Variants in C14orf39 observed in about 807,000 individuals in gnomAD.
C14orf39 encodes chromosome 14 open reading frame 39, also known as protein SIX6OS1.
Under a neutral mutation model 85.6 loss-of-function variants are expected in C14orf39, and 66 were observed. That is an observed-to-expected ratio of 0.77 (90% CI 0.63 to 0.95). The LOEUF (loss-of-function observed/expected upper bound fraction) is 0.95, where lower values mean the gene tolerates loss of function less well. C14orf39 is among the 40% of genes least tolerant of loss of function. The pLI, the probability that C14orf39 is intolerant of heterozygous loss-of-function variation, is 0.00. For missense variants in C14orf39, 735 were observed against 663.9 expected, an observed-to-expected ratio of 1.11 and a Z score of -1.18; for synonymous variants, 242 against 214.0, an observed-to-expected ratio of 1.13 and a Z score of -1.14.
chr14:60,490,578 C>T (rs1476250853), upstream of C14orf39, among the ~76,000 whole-genome samples: 8 of 152,022 alleles, frequency 5.3e-5, no homozygotes, highest in African/African-American at 1.9e-4. Flanking sequence ...GAGCTATGAT[C>T]GCACCACTGC....
At chr14:60,456,437 T>TC (rs1485217164) in intron 15 of C14orf39, among the ~76,000 whole-genome samples, 2 of 151,522 alleles carry the variant, frequency 1.3e-5, no homozygotes, top group Non-Finnish European at 2.9e-5. Context: ...TTTTTTTTTT[T>TC]TTTTAATAGA....
intron 1 of C14orf39, chr14:60,511,402 C>A (rs1893292885): frequency 3.1e-6 from 3 of 955,442 alleles, no homozygotes; most frequent in Non-Finnish European, 4.9e-6. Flanking sequence ...CGTTTCCCGC[C>A]CCACCCCGCG....
chr14:60,473,118 C>G (rs1892184478), intron 5 of C14orf39, among the ~76,000 whole-genome samples: 1 of 152,172 alleles, frequency 6.6e-6, no homozygotes, highest in South Asian at 2.1e-4. Context: ...GAGATGGTAT[C>G]TCATTGTAAT....
At chr14:60,497,388 A>AGTTCTCCAT (rs2140179323) in intron 2 of C14orf39, among the ~76,000 whole-genome samples, 1 of 151,498 alleles carries the variant, frequency 6.6e-6, no homozygotes, top group Non-Finnish European at 1.5e-5. Flanking sequence ...GTACAGGCCC[A>AGTTCTCCAT]ATGCACACAC....
chr14:60,447,360 CA>C (rs1427528969), intron 16 of C14orf39, among the ~76,000 whole-genome samples: 3 of 152,170 alleles, frequency 2.0e-5, no homozygotes, highest in Admixed American at 6.5e-5. Flanking sequence ...TCTCAGGATA[CA>C]AAATCAATGT....
At chr14:60,471,207 C>T (rs1043582093) in intron 7 of C14orf39, among the ~76,000 whole-genome samples, 3 of 151,854 alleles carry the variant, frequency 2.0e-5, no homozygotes, top group Non-Finnish European at 2.9e-5. Flanking sequence ...AATACATATG[C>T]CATTTTATTC....
At chr14:60,437,943 T>C (rs936673972) in intron 17 of C14orf39, among the ~76,000 whole-genome samples, 2 of 151,546 alleles carry the variant, frequency 1.3e-5, no homozygotes, top group Admixed American at 6.6e-5. Context: ...ATATTACTTA[T>C]TAATAAAATT....
At chr14:60,463,647 G>GACAT (rs912595053) in intron 11 of C14orf39, among the ~76,000 whole-genome samples, 1 of 152,034 alleles carries the variant, frequency 6.6e-6, no homozygotes, top group Non-Finnish European at 1.5e-5. Context: ...TTGACATATG[G>GACAT]ACATACAGAT....
intron 16 of C14orf39, among the ~76,000 whole-genome samples, chr14:60,442,600 T>C (rs969467022): frequency 2.6e-5 from 4 of 152,186 alleles, no homozygotes; most frequent in South Asian, 2.1e-4. Context: ...TCACATTGCA[T>C]TGTGAGCATT....
At chr14:60,506,589 T>C (rs575712070) in intron 1 of C14orf39, among the ~76,000 whole-genome samples, 2 of 152,340 alleles carry the variant, frequency 1.3e-5, no homozygotes, top group African/African-American at 4.8e-5. Context: ...CAAGGTGCCC[T>C]GGCGCAGTCT....
intron 5 of C14orf39, among the ~76,000 whole-genome samples, chr14:60,472,501 T>G (rs1302308618): frequency 2.0e-5 from 3 of 152,128 alleles, no homozygotes; most frequent in Non-Finnish European, 4.4e-5. Flanking sequence ...GCTGCACCCA[T>G]TAACTCGTCA....
Position 60,437,043 on chromosome 14 carries a change from G to C in C14orf39, c.1566C>G (p.Asn522Lys). 2 of 1,594,504 alleles carry C rather than the reference G, an allele frequency of 1.3e-6. No individual in the cohort carries two copies. ...CTTCTCCTTCTGGCTTCTCAAGTAAGTTTCCTAAGGAAGATAAACATTACA... is the reference window on the plus strand; with the variant it reads ...CTTCTCCTTCTGGCTTCTCAAGTAACTTTCCTAAGGAAGATAAACATTACA... The part of the protein sequence containing the change: ...NPLSSEQEIG[N>K]LLEKPEGEDG... Residue 522 changes from asparagine to lysine, a missense_variant, in exon 18 of 18, where the codon AAC becomes AAG. Asn to Lys is a moderately conservative substitution (Grantham distance 94). Transcript: ENST00000321731.
intron 2 of C14orf39, among the ~76,000 whole-genome samples, chr14:60,498,128 A>G (rs933165544): frequency 2.6e-5 from 4 of 152,074 alleles, no homozygotes; most frequent in Non-Finnish European, 5.9e-5. Context: ...ATTTATTGTA[A>G]TGAAGCATGT....
At position 60,491,460 on chromosome 14, in the gene C14orf39, A is replaced by AAT. The variant is rs1892987261; in HGVS notation, c.-8-6375_-8-6374insAT. Among the ~76,000 whole-genome samples the AAT allele has an allele frequency of 6.6e-6, 1 of 152,234 alleles. No individual in the cohort carries two copies. The highest frequency in any genetic ancestry group is 1.5e-5 in the Non-Finnish European group (1 of 68,046). On this transcript the variant is annotated intron_variant, in intron 2 of 5. Coordinates refer to the C14orf39 transcript ENST00000556799. This position sits in a 1 kb window ranked among gnomAD's most constrained non-coding sequence, Gnocchi z 4.5. ...GGAGGGACACAAACATTCAAACCAC[A>AAT]GCACAAGCTCAAACACAGCTCATGT...
intron 4 of C14orf39, 70 bp downstream of exon 4, chr14:60,483,621 A>T (rs1892741852): frequency 7.5e-7 from 1 of 1,340,582 alleles, no homozygotes; most frequent in Admixed American, 2.2e-5. Context: ...TGAAGGAAGT[A>T]TCTTCAACTG....
chr14:60,450,283 G>GGGGA (rs1396304753), intron 16 of C14orf39, among the ~76,000 whole-genome samples: 13 of 152,170 alleles, frequency 8.5e-5, no homozygotes, highest in Admixed American at 3.9e-4. Context: ...CTGGGCCAGA[G>GGGGA]GGGAGCCCAC....
At chr14:60,480,954 A>C (rs2140153766) in intron 4 of C14orf39, among the ~76,000 whole-genome samples, 1 of 152,298 alleles carries the variant, frequency 6.6e-6, no homozygotes, top group South Asian at 2.1e-4. Context: ...GGTGGGGTTG[A>C]GGTAAAGAAA....
intron 16 of C14orf39, among the ~76,000 whole-genome samples, chr14:60,446,070 G>C (rs1890750595): frequency 6.6e-6 from 1 of 152,156 alleles, no homozygotes; most frequent in Non-Finnish European, 1.5e-5. Context: ...GCAGTGTGTA[G>C]AGGGAAATTT....
chr14:60,449,797 T>C (rs1471258407), intron 16 of C14orf39, among the ~76,000 whole-genome samples: 1 of 152,250 alleles, frequency 6.6e-6, no homozygotes, highest in Non-Finnish European at 1.5e-5. Context: ...AGGTCACTGA[T>C]TTTAGGCCTT....
Sources: allele counts gnomAD v4.1 joint callset (sites outside exome capture counted in the v4.1 genomes callset), GRCh38; gene constraint gnomAD v4.1.1; non-coding constraint Gnocchi (gnomAD v3.1); transcripts MANE v1.5; gene names NCBI Gene and HGNC (gene_info 2026-07-23, HGNC 2026-07-21).